The following FYN variants were observed in gnomAD, a reference collection of about 807,000 sequenced individuals.
FYN encodes tyrosine-protein kinase Fyn.
Under a neutral mutation model 70.2 loss-of-function variants are expected in FYN, and 10 were observed. The ratio of observed to expected loss-of-function variants is 0.14; its 90% CI spans 0.09 to 0.24. The LOEUF is 0.24. Among genes scored for constraint, FYN ranks in the 10% least tolerant of loss-of-function variants. The pLI is 1.00. For missense variants in FYN, 319 were observed against 673.1 expected (o/e 0.47, Z 5.82); for synonymous variants, 236 against 248.6 (o/e 0.95, Z 0.48).
intron 5 of FYN, among the ~76,000 whole-genome samples, chr6:111,710,029 AAT>A (rs1373760635): frequency 6.6e-6 from 1 of 152,260 alleles, no homozygotes; most frequent in East Asian, 1.9e-4. Flanking sequence ...TCTTCACTTT[AAT>A]ATAGTGACAA....
At chr6:111,675,187 C>T (rs1003885449) in intron 12 of FYN, among the ~76,000 whole-genome samples, 2 of 152,210 alleles carry the variant, frequency 1.3e-5, no homozygotes, top group Non-Finnish European at 2.9e-5. Context: ...TCCATTCTTT[C>T]TCCCTGTAGT....
intron 8 of FYN, among the ~76,000 whole-genome samples, chr6:111,701,759 T>A (rs1011440387): frequency 6.6e-5 from 10 of 152,198 alleles, no homozygotes; most frequent in African/African-American, 2.2e-4. Flanking sequence ...TTTGAGTATA[T>A]CACTTAAGCT....
At chr6:111,683,900 T>C (rs1384519478) in intron 12 of FYN, among the ~76,000 whole-genome samples, 2 of 152,172 alleles carry the variant, frequency 1.3e-5, no homozygotes, top group Non-Finnish European at 1.5e-5. Context: ...CCAATGAAAC[T>C]TGGCAAAGCA....
intron 12 of FYN, among the ~76,000 whole-genome samples, chr6:111,677,012 G>A (rs957535108): frequency 1.3e-5 from 2 of 152,120 alleles, no homozygotes; most frequent in Non-Finnish European, 2.9e-5. Flanking sequence ...TTCAAAAAAT[G>A]TTAAAACAAA....
At chr6:111,816,715 C>T (rs1364603767) in intron 2 of FYN, among the ~76,000 whole-genome samples, 1 of 152,140 alleles carries the variant, frequency 6.6e-6, no homozygotes, top group Admixed American at 6.5e-5. Flanking sequence ...CTGACACTTC[C>T]AGTAAAGAAT....
chr6:111,853,123 A>G (rs933856839), intron 1 of FYN, among the ~76,000 whole-genome samples: 1 of 150,754 alleles, frequency 6.6e-6, no homozygotes, highest in Non-Finnish European at 1.5e-5. Flanking sequence ...GTCTTCATCT[A>G]ATGTTGATGA....
At chr6:111,729,266 G>T (rs1476789793) in intron 3 of FYN, among the ~76,000 whole-genome samples, 2 of 152,098 alleles carry the variant, frequency 1.3e-5, no homozygotes, top group Non-Finnish European at 2.9e-5. Flanking sequence ...TTGAGGCCAG[G>T]AGTTCAAGAC....
At chr6:111,753,492 T>C (rs1802575952) in intron 3 of FYN, among the ~76,000 whole-genome samples, 1 of 152,116 alleles carries the variant, frequency 6.6e-6, no homozygotes, top group South Asian at 2.1e-4. Flanking sequence ...TATTGAAAAT[T>C]TGTATGGTGA....
chr6:111,863,062 G>A (rs1275622681), intron 1 of FYN, among the ~76,000 whole-genome samples: 1 of 152,228 alleles, frequency 6.6e-6, no homozygotes, highest in African/African-American at 2.4e-5. Flanking sequence ...AAGGAACCTG[G>A]TCATTCTGCC....
chr6:111,797,544 A>C (rs532601446), intron 2 of FYN, among the ~76,000 whole-genome samples: 4 of 151,170 alleles, frequency 2.6e-5, no homozygotes, highest in African/African-American at 9.7e-5. Context: ...TAGGATAGTG[A>C]ATGGTTAAAT....
chr6:111,818,989 T>C (rs1772576835), intron 2 of FYN, among the ~76,000 whole-genome samples: 1 of 152,206 alleles, frequency 6.6e-6, no homozygotes, highest in Non-Finnish European at 1.5e-5. Context: ...AACGTGTTCT[T>C]GCAAAGTTCA....
chr6:111,706,363 T>G (rs981005754), intron 6 of FYN, among the ~76,000 whole-genome samples: 9 of 152,248 alleles, frequency 5.9e-5, no homozygotes, highest in Non-Finnish European at 1.2e-4. Context: ...TGCTTGAATA[T>G]AGGTATCATG....
intron 3 of FYN, among the ~76,000 whole-genome samples, chr6:111,767,438 G>C (rs1416741127): frequency 6.6e-6 from 1 of 152,154 alleles, no homozygotes; most frequent in East Asian, 1.9e-4. Context: ...GTCTCGCTCT[G>C]TTGCCCAGGC....
chr6:111,678,112 G>A (rs954737767), intron 12 of FYN, among the ~76,000 whole-genome samples: 2 of 54,450 alleles, frequency 3.7e-5, no homozygotes, highest in Admixed American at 5.5e-4. Context: ...CATAATATGT[G>A]TGTGTGTGTG....
intron 2 of FYN, among the ~76,000 whole-genome samples, chr6:111,821,012 T>C (rs144151577): frequency 6.6e-6 from 1 of 152,154 alleles, no homozygotes; most frequent in Non-Finnish European, 1.5e-5. Flanking sequence ...AGGAGGATAA[T>C]TTTTTTTAAA....
At chr6:111,728,977 T>C (rs1801321938) in intron 3 of FYN, among the ~76,000 whole-genome samples, 1 of 152,206 alleles carries the variant, frequency 6.6e-6, no homozygotes, top group South Asian at 2.1e-4. Context: ...ATATTGCCTT[T>C]GGTAGTAATC....
At chr6:111,698,689 A>G (rs769342827) in intron 9 of FYN, among the ~76,000 whole-genome samples, 8 of 152,362 alleles carry the variant, frequency 5.3e-5, no homozygotes, top group Admixed American at 3.3e-4. Flanking sequence ...CTTATCAATG[A>G]CAATCAAATA....
intron 10 of FYN, among the ~76,000 whole-genome samples, chr6:111,695,047 C>A (rs1799513172): frequency 1.3e-5 from 2 of 152,186 alleles, no homozygotes. Flanking sequence ...ATCACCCCTG[C>A]ACAAAGAATT....
intron 4 of FYN, among the ~76,000 whole-genome samples, chr6:111,716,410 C>T (rs706889): frequency 0.13 from 19,961 of 152,132 alleles, 2,545 homozygotes; most frequent in African/African-American, 0.33. Flanking sequence ...TTAAAAGTCA[C>T]GGTATCACTG....
Sources: allele counts gnomAD v4.1 joint callset (sites outside exome capture counted in the v4.1 genomes callset), GRCh38; gene constraint gnomAD v4.1.1; transcripts MANE v1.5; gene names NCBI Gene and HGNC (gene_info 2026-07-23, HGNC 2026-07-21).